MYO9A: variants seen among roughly 807,000 people sequenced by gnomAD.
MYO9A encodes myosin IXA.
In MYO9A, 103 loss-of-function variants were observed where a neutral mutation model predicts 293.3. The observed-to-expected ratio is 0.35, with a 90% CI of 0.30 to 0.41. MYO9A has a LOEUF of 0.41. Among genes scored for constraint, MYO9A ranks in the 10% least tolerant of loss-of-function variants. MYO9A has a pLI of 1.00. For missense variants in MYO9A, 2,685 were observed against 3,033.0 expected, an observed-to-expected ratio of 0.89 and a Z score of 2.69; for synonymous variants, 1,001 against 1,035.7, an observed-to-expected ratio of 0.97 and a Z score of 0.64.
intron 12 of MYO9A, among the ~76,000 whole-genome samples, chr15:71,975,022 T>G (rs886816184): frequency 1.1e-4 from 17 of 152,212 alleles, no homozygotes; most frequent in Non-Finnish European, 2.9e-5. Context: ...GAGATGACAC[T>G]GTCTTTAACT....
intron 8 of MYO9A, among the ~76,000 whole-genome samples, chr15:72,006,284 G>A (rs1477307786): frequency 6.6e-6 from 1 of 151,966 alleles, no homozygotes; most frequent in East Asian, 1.9e-4. Context: ...GTTTTTAGTA[G>A]AGACAGGGTC....
At chr15:71,985,111 G>T (rs557249390) in intron 11 of MYO9A, among the ~76,000 whole-genome samples, 2 of 152,062 alleles carry the variant, frequency 1.3e-5, no homozygotes, top group Non-Finnish European at 2.9e-5. Flanking sequence ...GTAAAGATGG[G>T]GTTTCACCAT....
chr15:71,965,264 T>C (rs760695889), intron 13 of MYO9A, among the ~76,000 whole-genome samples: 1 of 152,120 alleles, frequency 6.6e-6, no homozygotes, highest in African/African-American at 2.4e-5. Flanking sequence ...ACAGTGCTAT[T>C]TGTATTGATT....
intron 1 of MYO9A, among the ~76,000 whole-genome samples, chr15:72,098,327 G>A (rs904672583): frequency 6.6e-6 from 1 of 151,920 alleles, no homozygotes; most frequent in African/African-American, 2.4e-5. Flanking sequence ...GAAATGCCAA[G>A]TTTAACCACT....
At chr15:71,953,508 C>T (rs1025265169) in intron 14 of MYO9A, 8 of 152,172 alleles carry the variant, frequency 5.3e-5, no homozygotes, top group Non-Finnish European at 8.8e-5. Context: ...TTAAAATACA[C>T]TAATTTATTA....
chr15:72,062,058 C>A (rs544762171), intron 1 of MYO9A, among the ~76,000 whole-genome samples: 1 of 152,168 alleles, frequency 6.6e-6, no homozygotes, highest in Non-Finnish European at 1.5e-5. Flanking sequence ...CCTGGTAATA[C>A]AGAGAATTCT....
At position 71,823,131 on chromosome 15, in the gene MYO9A, G is replaced by C. The variant is rs539607590; in HGVS notation, c.*3449C>G. ...AGAGAGGAGGATGAGGAAAGCCATG[G>C]AGTGAGTATGTATGTTTCTTTTTAA... On this transcript the variant is annotated 3_prime_UTR_variant, in exon 42 of 42. Transcript: ENST00000356056. 12 of 152,046 alleles carry C rather than the reference G, an allele frequency of 7.9e-5. No individual in the cohort carries two copies. The highest frequency in any genetic ancestry group is 2.9e-4 in the African/African-American group (12 of 41,458). The allele number at this position is 152,046 out of a possible 1,614,324, so 9.4% of individuals were successfully genotyped here.
intron 11 of MYO9A, among the ~76,000 whole-genome samples, chr15:71,984,324 G>A (rs1347532595): frequency 2.0e-5 from 3 of 152,276 alleles, no homozygotes; most frequent in Admixed American, 6.5e-5. Flanking sequence ...TTGGCAAGGA[G>A]CAACTGTAGT....
rs1361866276 is a variant in MYO9A, at chr15:71,898,690, C to T, written c.3813G>A (p.Lys1271=). 2 of 1,613,988 alleles carry T rather than the reference C, an allele frequency of 1.2e-6. No homozygotes were observed. Among genetic ancestry groups the T allele is most frequent in the Non-Finnish European group, 1.7e-6 (2 of 1,180,030 alleles). Residue 1271 remains lysine, a synonymous_variant, in exon 25 of 42, where the codon AAG becomes AAA. Coordinates refer to ENST00000356056, the MANE Select transcript of MYO9A (RefSeq NM_006901.4). ...GTTCTCTCATTCTCCTACTTTCTCT[C>T]TTAGCCCGGCCTACTTTTTTCTGAT... ...DLHQKKVGRA[K]RESRRMRELE... is the part of the protein sequence containing the mutation.
chr15:71,998,650 C>T (rs1464729403), intron 9 of MYO9A, among the ~76,000 whole-genome samples: 3 of 146,560 alleles, frequency 2.0e-5, no homozygotes, highest in African/African-American at 7.6e-5. Context: ...CATATGTATA[C>T]ATGTGCCATG....
intron 34 of MYO9A, among the ~76,000 whole-genome samples, chr15:71,856,166 C>G (rs896800574): frequency 6.6e-6 from 1 of 151,870 alleles, no homozygotes; most frequent in African/African-American, 2.4e-5. Flanking sequence ...CAAAAATTAG[C>G]CAGGCATAGT....
At chr15:72,033,011 T>C (rs970809811) in intron 2 of MYO9A, among the ~76,000 whole-genome samples, 1 of 152,084 alleles carries the variant, frequency 6.6e-6, no homozygotes, top group African/African-American at 2.4e-5. Flanking sequence ...CCGCCAAGCC[T>C]GGCTATTTTT....
intron 18 of MYO9A, among the ~76,000 whole-genome samples, chr15:71,920,599 CCAAA>C (rs1231672329): frequency 1.3e-5 from 2 of 151,892 alleles, no homozygotes; most frequent in Non-Finnish European, 2.9e-5. Context: ...TCATAGCAGC[CCAAA>C]CAAACTAAGG....
intron 32 of MYO9A, among the ~76,000 whole-genome samples, chr15:71,868,038 T>C (rs1234969471): frequency 6.6e-6 from 1 of 152,312 alleles, no homozygotes; most frequent in Middle Eastern, 3.4e-3. Flanking sequence ...TATCTCACAG[T>C]TCAGTAAGCT....
chr15:71,878,740 A>ATTTTTTTTTTTTTTTTTTTTTTTT (rs200866619), intron 30 of MYO9A, among the ~76,000 whole-genome samples: 1 of 108,624 alleles, frequency 9.2e-6, no homozygotes, highest in Non-Finnish European at 1.8e-5. Context: ...GAGATCTGGA[A>ATTTTTTTTTTTTTTTTTTTTTTTT]TTTTTTTTTT....
chr15:71,852,442 C>G, intron 35 of MYO9A, 182 bp from the exon 36 acceptor site: 1 of 416,518 alleles, frequency 2.4e-6, no homozygotes, highest in Non-Finnish European at 4.0e-6. Context: ...CAGCTCACCA[C>G]AACCTCTGCC....
At chr15:72,050,548 A>T (rs536159350) in intron 1 of MYO9A, among the ~76,000 whole-genome samples, 53 of 152,314 alleles carry the variant, frequency 3.5e-4, no homozygotes, top group African/African-American at 1.2e-3. Context: ...CAGAGCTTGC[A>T]GTGAGCCAAG....
At chr15:72,109,168 A>ATCATGAGG (rs1431070662) in intron 1 of MYO9A, among the ~76,000 whole-genome samples, 1 of 151,882 alleles carries the variant, frequency 6.6e-6, no homozygotes, top group African/African-American at 2.4e-5. Flanking sequence ...CAGCAGGCAG[A>ATCATGAGG]TCATGAGGTC....
intron 1 of MYO9A, among the ~76,000 whole-genome samples, chr15:72,115,850 A>G (rs898177070): frequency 2.0e-5 from 3 of 148,198 alleles, no homozygotes; most frequent in African/African-American, 7.3e-5. Context: ...AAACATACAT[A>G]TAACATCAGA....
Sources: allele counts gnomAD v4.1 joint callset (sites outside exome capture counted in the v4.1 genomes callset), GRCh38; gene constraint gnomAD v4.1.1; transcripts MANE v1.5; gene names NCBI Gene and HGNC (gene_info 2026-07-23, HGNC 2026-07-21).